Variants in UBE2K observed in about 807,000 individuals in gnomAD.
UBE2K encodes ubiquitin-conjugating enzyme E2 K.
Under a neutral mutation model 30.0 loss-of-function variants are expected in UBE2K, and 6 were observed. The observed-to-expected ratio is 0.20, with a 90% CI of 0.11 to 0.39. The LOEUF is 0.39. UBE2K is among the 10% of genes least tolerant of loss of function. The pLI, the probability that UBE2K is intolerant of heterozygous loss-of-function variation, is 1.00. For synonymous variants in UBE2K, 86 were observed against 83.7 expected, an observed-to-expected ratio of 1.03 and a Z score of -0.15; for missense variants, 61 against 241.6, an observed-to-expected ratio of 0.25 and a Z score of 4.96.
At chr4:39,742,771 C>T (rs1053637332) in intron 2 of UBE2K, among the ~76,000 whole-genome samples, 5 of 151,872 alleles carry the variant, frequency 3.3e-5, no homozygotes, top group Non-Finnish European at 7.4e-5. Flanking sequence ...AGAGGCCAGG[C>T]GCAATGGCTT....
At chr4:39,733,792 C>T (rs1720205691) in intron 1 of UBE2K, among the ~76,000 whole-genome samples, 1 of 152,144 alleles carries the variant, frequency 6.6e-6, no homozygotes, top group Non-Finnish European at 1.5e-5. Context: ...AAGTAAGCGA[C>T]AGAACTAGGA....
intron 1 of UBE2K, among the ~76,000 whole-genome samples, chr4:39,704,059 C>T (rs964751796): frequency 6.6e-6 from 1 of 151,400 alleles, no homozygotes; most frequent in African/African-American, 2.4e-5. Context: ...GTAAAATTTT[C>T]TACCAAAAAT....
intron 4 of UBE2K, among the ~76,000 whole-genome samples, chr4:39,760,504 A>C (rs1481570148): frequency 6.6e-6 from 1 of 152,212 alleles, no homozygotes; most frequent in African/African-American, 2.4e-5. Flanking sequence ...AACATGGATG[A>C]GACTCAGTCA....
intron 4 of UBE2K, chr4:39,770,416 C>G: frequency 1.2e-6 from 2 of 1,612,704 alleles, no homozygotes; most frequent in Non-Finnish European, 1.7e-6. Flanking sequence ...ATGTGGAAGA[C>G]CAGCTTCTCC....
At chr4:39,742,037 A>G (rs1217038469) in intron 2 of UBE2K, among the ~76,000 whole-genome samples, 2 of 152,184 alleles carry the variant, frequency 1.3e-5, no homozygotes, top group African/African-American at 2.4e-5. Flanking sequence ...CATAAGGGAT[A>G]GAAATAAGAT....
chr4:39,738,874 A>G lies in UBE2K; in HGVS notation c.157+1361A>G, dbSNP rs1418193206. Among the ~76,000 whole-genome samples, 3 of 152,080 alleles carry G rather than the reference A, an allele frequency of 2.0e-5. No homozygotes were observed. The East Asian group carries it at 5.8e-4, about 29-fold the overall frequency. On this transcript the variant is annotated intron_variant, in intron 2 of 6. Transcript: ENST00000261427. ...ATTTTTAGTAGAGACAGGGTTTCACAATAACGGCCAGGCTGGTCTTGAACT... is the reference window on the plus strand; with the variant it reads ...ATTTTTAGTAGAGACAGGGTTTCACGATAACGGCCAGGCTGGTCTTGAACT...
chr4:39,734,754 T>C (rs1309768141), intron 1 of UBE2K, among the ~76,000 whole-genome samples: 4 of 152,154 alleles, frequency 2.6e-5, no homozygotes, highest in African/African-American at 9.7e-5. Context: ...TGAGGTGCAG[T>C]GAGCTGAGAT....
intron 1 of UBE2K, among the ~76,000 whole-genome samples, chr4:39,725,951 T>A (rs533244498): frequency 1.0e-3 from 156 of 151,934 alleles, no homozygotes; most frequent in Middle Eastern, 3.4e-3. Context: ...CCTTTTTTTT[T>A]AAAATAGTAT....
At chr4:39,731,734 A>G (rs150020441) in intron 1 of UBE2K, among the ~76,000 whole-genome samples, 138 of 152,284 alleles carry the variant, frequency 9.1e-4, no homozygotes, top group Non-Finnish European at 1.2e-3. Flanking sequence ...AATAGGGGAA[A>G]GATAAGTCAT....
At chr4:39,775,107 A>C (rs376683978) in intron 5 of UBE2K, among the ~76,000 whole-genome samples, 174 bp downstream of exon 5, 1 of 152,378 alleles carries the variant, frequency 6.6e-6, no homozygotes, top group East Asian at 1.9e-4. Flanking sequence ...GACTTTTAAC[A>C]TCCTAGTTTA....
chr4:39,763,976 C>T (rs534878228), intron 4 of UBE2K, among the ~76,000 whole-genome samples: 1 of 152,154 alleles, frequency 6.6e-6, no homozygotes, highest in African/African-American at 2.4e-5. Flanking sequence ...AAGCGATCTA[C>T]CTGCTTCAGC....
chr4:39,713,706 A>G (rs1306245411), intron 1 of UBE2K: 1 of 151,850 alleles, frequency 6.6e-6, no homozygotes, highest in Non-Finnish European at 1.5e-5. Context: ...CAATATTACT[A>G]ACTCCCTATC....
chr4:39,773,941 T>TA (rs1713112115), intron 4 of UBE2K, among the ~76,000 whole-genome samples: 1 of 151,672 alleles, frequency 6.6e-6, no homozygotes. Context: ...TAAACTAAAC[T>TA]AACAAGAAGG....
intron 1 of UBE2K, among the ~76,000 whole-genome samples, chr4:39,711,404 C>T (rs1165689414): frequency 1.3e-5 from 2 of 151,622 alleles, no homozygotes; most frequent in African/African-American, 2.4e-5. Flanking sequence ...CTTCATGATC[C>T]GCCCGCCTCG....
At chr4:39,751,739 G>C (rs1057113808) in intron 3 of UBE2K, among the ~76,000 whole-genome samples, 4 of 152,160 alleles carry the variant, frequency 2.6e-5, no homozygotes, top group Non-Finnish European at 5.9e-5. Flanking sequence ...TTGGGAGGCT[G>C]AGGCGGGCGG....
chr4:39,738,599 A>G (rs1720502756), intron 2 of UBE2K, among the ~76,000 whole-genome samples: 1 of 152,198 alleles, frequency 6.6e-6, no homozygotes, highest in Non-Finnish European at 1.5e-5. Flanking sequence ...GTAATCCTCC[A>G]GCTTCCTCAG....
chr4:39,713,768 G>T lies in UBE2K; in HGVS notation c.63+15378G>T, dbSNP rs370227706. 4.0e-5 allele frequency: 6 copies of T among 151,196 alleles called. No individual in the cohort carries two copies. The East Asian group carries it at 1.2e-3, about 29-fold the overall frequency. The allele number at this position is 151,196 out of a possible 1,614,324, so 9.4% of individuals were successfully genotyped here. ...ACATTTCTACTTTGTATCTCAATCT[G>T]TGTGACTGCTCTATCATTCATTATT... On this transcript the variant is annotated intron_variant, in intron 1 of 6. Transcript: ENST00000261427.
chr4:39,772,258 A>G (rs1040978200), intron 4 of UBE2K, among the ~76,000 whole-genome samples: 1 of 152,050 alleles, frequency 6.6e-6, no homozygotes, highest in African/African-American at 2.4e-5. Flanking sequence ...CCAGTTGAAA[A>G]AGGCTGGTTT....
intron 1 of UBE2K, among the ~76,000 whole-genome samples, chr4:39,718,601 G>A (rs1426468756): frequency 6.6e-6 from 1 of 152,246 alleles, no homozygotes; most frequent in Non-Finnish European, 1.5e-5. Context: ...ACGGCAGGGG[G>A]GCAGGACTCA....
Sources: gnomAD v4.1 joint callset for allele counts (sites outside exome capture counted in the v4.1 genomes callset) on GRCh38, gnomAD v4.1.1 for gene constraint, MANE v1.5 for transcripts, NCBI Gene and HGNC (gene_info 2026-07-23, HGNC 2026-07-21) for gene names.